TM4SF19: variants seen among roughly 807,000 people sequenced by gnomAD.
TM4SF19 encodes the protein transmembrane 4 L six family member 19.
Under a neutral mutation model 21.8 loss-of-function variants are expected in TM4SF19, and 17 were observed. The ratio of observed to expected loss-of-function variants is 0.78; its 90% CI spans 0.53 to 1.17. The LOEUF is 1.17. Among genes scored for constraint, TM4SF19 ranks in the 50% most tolerant of loss-of-function variants. The probability of loss-of-function intolerance (pLI) is 0.00; values close to 1 mark genes in which losing one functional copy is unlikely to be tolerated. For missense variants in TM4SF19, 216 were observed against 252.1 expected (o/e 0.86, Z 0.97); for synonymous variants, 107 against 106.7 (o/e 1.00, Z -0.02).
At chr3:196,327,352 CTT>C (rs751960869) in intron 2 of TM4SF19, 36 bp downstream of exon 2, 8 of 1,601,862 alleles carry the variant, frequency 5.0e-6, no homozygotes, top group African/African-American at 2.7e-5. Context: ...GCCGGGGTCT[CTT>C]TGAGAGTTCA....
At chr3:196,332,656 T>A (rs1245065648) in intron 1 of TM4SF19, among the ~76,000 whole-genome samples, 1 of 151,730 alleles carries the variant, frequency 6.6e-6, no homozygotes, top group Non-Finnish European at 1.5e-5. Flanking sequence ...CTGCAGGGGA[T>A]ATGTTCCAAG....
Position 196,327,452 on chromosome 3 carries a change from A to G in TM4SF19, c.139T>C (p.Leu47=). Residue 47 remains leucine (L), a synonymous_variant, in exon 2 of 5, where the codon TTG becomes CTG. Coordinates refer to ENST00000273695, the MANE Select transcript of TM4SF19 (RefSeq NM_138461.4). ...GCATGCCTGCCAAGGAGGCCCCTCA[A>G]CAGGTAGGTGACATCCCAGTTAGGA... The part of the protein sequence containing the change: ...LLPNWDVTYL[L]RGLLGRHAML... The G allele has an allele frequency of 6.2e-7, 1 of 1,614,166 alleles. No individual in the cohort carries two copies.
At chr3:196,326,768 A>G (rs1185110427) in intron 3 of TM4SF19, among the ~76,000 whole-genome samples, 187 bp downstream of exon 3, 1 of 152,092 alleles carries the variant, frequency 6.6e-6, no homozygotes, top group Non-Finnish European at 1.5e-5. Flanking sequence ...ATCAGCTCCC[A>G]TTTTACAGAT....
chr3:196,334,865 A>T (rs113847222), intron 1 of TM4SF19, among the ~76,000 whole-genome samples: 4 of 34,146 alleles, frequency 1.2e-4, no homozygotes, highest in African/African-American at 3.1e-4. Flanking sequence ...GGAGGGGTGC[A>T]CTGGGAGGGT....
chr3:196,323,766 A>G lies in TM4SF19; in HGVS notation c.*51T>C. ...TACCCACTCCTTGTAGAAAGGATTC[A>G]AGACAGCCGATGATGAAAACACCCA... is the stretch of plus-strand genomic sequence containing the variant. On this transcript the variant is annotated 3_prime_UTR_variant, in exon 5 of 5. Transcript: ENST00000273695. 6.2e-7 allele frequency: 1 copy of G among 1,614,076 alleles called. No homozygotes were observed. The highest frequency in any genetic ancestry group is 8.5e-7 in the Non-Finnish European group (1 of 1,180,002).
intron 1 of TM4SF19, 142 bp from the exon 2 acceptor site, chr3:196,327,733 T>G (rs1175188266): frequency 1.5e-6 from 1 of 658,982 alleles, no homozygotes; most frequent in Admixed American, 2.8e-5. Context: ...CCAAGCAACC[T>G]GCTTAAAAAC....
intron 1 of TM4SF19, among the ~76,000 whole-genome samples, chr3:196,331,466 A>AATTT (rs1253594743): frequency 6.6e-6 from 1 of 151,134 alleles, no homozygotes; most frequent in African/African-American, 2.4e-5. Context: ...TTATTTATTT[A>AATTT]ATTTATTTAT....
intron 4 of TM4SF19, 47 bp downstream of exon 4, chr3:196,324,224 C>G: frequency 6.3e-7 from 1 of 1,596,688 alleles, no homozygotes; most frequent in Non-Finnish European, 8.6e-7. Context: ...TTGTCTCTCT[C>G]TCTCTCTCTG....
In TM4SF19 at chr3:196,324,095, A is replaced by G. The variant is rs753021799; in HGVS notation, c.450-98T>C. The stretch of plus-strand genomic sequence containing the variant: ...AACTGGGGTCTCCCCTGACCGGGTC[A>G]TGGGACTGGGCTCATGAGGGTGACC... On this transcript the variant is annotated intron_variant, in intron 4 of 4. Transcript: ENST00000273695. 2.7e-6 allele frequency: 4 copies of G among 1,499,344 alleles called. No homozygotes were observed. In the African/African-American group the frequency reaches 4.1e-5, roughly 16 times the overall value. The allele number at this position is 1,499,344 out of a possible 1,614,324, so 92.9% of individuals were successfully genotyped here. A position where few individuals can be genotyped will look rare whatever the true frequency, so the allele number is the denominator to read the frequency against.
In TM4SF19 at chr3:196,324,011, T is replaced by C; in HGVS notation, c.450-14A>G. On this transcript the variant is annotated splice_polypyrimidine_tract_variant and intron_variant, in intron 4 of 4. Transcript: ENST00000273695. Reference sequence around the variant, plus strand: ...TACAGATAATTCCTATCCCAAAAAATAAGGAGACCAGGGGTCAGGCGATAA... The same window carrying C: ...TACAGATAATTCCTATCCCAAAAAACAAGGAGACCAGGGGTCAGGCGATAA... 1 of 1,613,012 alleles carries C rather than the reference T, an allele frequency of 6.2e-7. No individual in the cohort carries two copies.
At chr3:196,324,020 C>T (rs989040051) in intron 4 of TM4SF19, 23 bp from the exon 5 acceptor site, 1 of 1,611,848 alleles carries the variant, frequency 6.2e-7, no homozygotes. Context: ...ATAAGGAGAC[C>T]AGGGGTCAGG....
chr3:196,331,924 A>C (rs12497601), intron 1 of TM4SF19, among the ~76,000 whole-genome samples: 85,758 of 151,856 alleles, frequency 0.56, 24,872 homozygotes, highest in East Asian at 0.9. Context: ...GCACTTGGCC[A>C]CTTGAGGCTC....
intron 1 of TM4SF19, among the ~76,000 whole-genome samples, chr3:196,332,848 A>ATTTTTTTTTT (rs544134464): frequency 8.3e-6 from 1 of 120,862 alleles, no homozygotes; most frequent in Non-Finnish European, 1.7e-5. Context: ...TCAACTTACA[A>ATTTTTTTTTT]TTTTTTTTTT....
intron 2 of TM4SF19, among the ~76,000 whole-genome samples, 173 bp from the exon 3 acceptor site, chr3:196,327,205 C>T (rs766048235): frequency 6.6e-6 from 1 of 152,210 alleles, no homozygotes; most frequent in Non-Finnish European, 1.5e-5. Context: ...TGGATGTTAA[C>T]TTTCACACCC....
intron 1 of TM4SF19, among the ~76,000 whole-genome samples, chr3:196,335,527 G>C (rs1054835466): frequency 2.0e-5 from 3 of 149,198 alleles, no homozygotes; most frequent in African/African-American, 7.4e-5. Flanking sequence ...GAGGTGGGGT[G>C]CCCTGAGAGG....
At chr3:196,333,973 A>G (rs1727621330) in intron 1 of TM4SF19, among the ~76,000 whole-genome samples, 1 of 152,090 alleles carries the variant, frequency 6.6e-6, no homozygotes, top group African/African-American at 2.4e-5. Flanking sequence ...AGGCAGAAGA[A>G]TCACTTGAAC....
intron 1 of TM4SF19, among the ~76,000 whole-genome samples, chr3:196,328,084 G>A (rs1187716034): frequency 2.6e-5 from 4 of 152,070 alleles, no homozygotes; most frequent in South Asian, 2.1e-4. Flanking sequence ...GGCGGATCAC[G>A]AGGTCAGGAG....
chr3:196,324,659 C>T (rs962878909), intron 3 of TM4SF19: 10 of 548,862 alleles, frequency 1.8e-5, no homozygotes, highest in African/African-American at 9.4e-5. Context: ...GTGGGGAGGC[C>T]GTGAGGGGTT....
chr3:196,327,406 C>A lies in TM4SF19; in HGVS notation c.185G>T (p.Trp62Leu). The change falls in exon 2 of 5, where the codon TGG (tryptophan) becomes TTG (leucine). Residue 62 changes from tryptophan (W) to leucine (L), a missense_variant. Physicochemically the swap from Trp to Leu is moderately conservative, Grantham distance 61. Transcript: ENST00000273695. ...GRHAMLGTGLWGGGLMVLTAA... is the reference protein window; with the variant it reads ...GRHAMLGTGLLGGGLMVLTAA... The stretch of plus-strand genomic sequence containing the variant: ...GACACTTACCATGAGGCCTCCTCCC[C>A]AGAGCCCAGTTCCCAGCATGGCATG... The A allele has an allele frequency of 1.2e-6, 2 of 1,614,086 alleles. No homozygotes were observed. Among genetic ancestry groups the A allele is most frequent in the Non-Finnish European group, 1.7e-6 (2 of 1,180,004 alleles).
Sources: allele counts gnomAD v4.1 joint callset (sites outside exome capture counted in the v4.1 genomes callset), GRCh38; gene constraint gnomAD v4.1.1; transcripts MANE v1.5; gene names NCBI Gene and HGNC (gene_info 2026-07-23, HGNC 2026-07-21).